Variants in ADAMTSL1 observed in about 807,000 individuals in gnomAD.
The protein encoded by ADAMTSL1 is ADAMTS-like protein 1.
A neutral mutation model predicts 201.8 loss-of-function variants in ADAMTSL1; 126 were observed. The observed-to-expected ratio is 0.62, with a 90% confidence interval of 0.54 to 0.72. ADAMTSL1 has a LOEUF of 0.72. Ranked by LOEUF, ADAMTSL1 falls within the 30% of genes least tolerant of loss-of-function variation. The pLI is 0.00. For synonymous variants in ADAMTSL1, 1,121 were observed against 903.4 expected (o/e 1.24, Z -4.32); for missense variants, 2,679 against 2,277.8 (o/e 1.18, Z -3.59).
chr9:18,790,151 G>A (rs1460723881), intron 19 of ADAMTSL1, among the ~76,000 whole-genome samples: 1 of 152,130 alleles, frequency 6.6e-6, no homozygotes, highest in African/African-American at 2.4e-5. Flanking sequence ...TTTTTACTTG[G>A]AAAACAGTAA....
chr9:18,774,838 T>A (rs369412499), intron 17 of ADAMTSL1, among the ~76,000 whole-genome samples: 26 of 152,310 alleles, frequency 1.7e-4, no homozygotes, highest in African/African-American at 6.3e-4. Context: ...CATACTGCTA[T>A]GAATGTTTGC....
intron 19 of ADAMTSL1, among the ~76,000 whole-genome samples, chr9:18,786,985 A>G (rs1821745450): frequency 6.6e-6 from 1 of 152,220 alleles, no homozygotes; most frequent in South Asian, 2.1e-4. Flanking sequence ...AACTTCTCAG[A>G]ATGGAAGTGA....
At chr9:18,374,547 G>T (rs1837200281) in intron 2 of ADAMTSL1, among the ~76,000 whole-genome samples, 1 of 151,962 alleles carries the variant, frequency 6.6e-6, no homozygotes, top group Non-Finnish European at 1.5e-5. Context: ...TGCCCAGGCT[G>T]GTCTCTTAAC....
intron 14 of ADAMTSL1, among the ~76,000 whole-genome samples, chr9:18,720,725 G>A (rs773036770): frequency 1.3e-5 from 2 of 152,164 alleles, no homozygotes; most frequent in Admixed American, 6.5e-5. Context: ...AGAGGTTGCA[G>A]TGAGCTGAGA....
intron 1 of ADAMTSL1, among the ~76,000 whole-genome samples, chr9:17,945,139 T>C (rs1374921000): frequency 8.0e-6 from 1 of 125,132 alleles, no homozygotes; most frequent in Non-Finnish European, 1.7e-5. Context: ...AACAACCCCA[T>C]CAAAAAGTGG....
intron 2 of ADAMTSL1, among the ~76,000 whole-genome samples, chr9:18,382,419 A>G (rs151250075): frequency 1.0e-3 from 153 of 152,226 alleles, no homozygotes; most frequent in Admixed American, 2.8e-3. Context: ...GGCAGGAGAG[A>G]TAACTCCAAA....
intron 2 of ADAMTSL1, among the ~76,000 whole-genome samples, chr9:18,515,604 G>T (rs1380393401): frequency 6.6e-6 from 1 of 152,110 alleles, no homozygotes; most frequent in East Asian, 1.9e-4. Context: ...CAAAGTGCTG[G>T]GATTACAGGG....
intron 2 of ADAMTSL1, among the ~76,000 whole-genome samples, chr9:18,509,052 C>G (rs1006086398): frequency 1.5e-5 from 2 of 130,540 alleles, no homozygotes; most frequent in Non-Finnish European, 3.2e-5. Flanking sequence ...GGCGCGGTGG[C>G]GGGCGCCTGT....
chr9:18,630,903 G>A (rs956835398), intron 5 of ADAMTSL1, among the ~76,000 whole-genome samples: 1 of 152,038 alleles, frequency 6.6e-6, no homozygotes, highest in Non-Finnish European at 1.5e-5. Context: ...AACCTCCACA[G>A]CCATTTGGTT....
In ADAMTSL1 at chr9:17,925,065, A is replaced by C. The variant is rs1370053972; in HGVS notation, c.87+18143A>C. Among the ~76,000 whole-genome samples, 32 of 84,162 alleles carry C rather than the reference A, an allele frequency of 3.8e-4. 1 individual carries two copies. The highest frequency in any genetic ancestry group is 1.1e-3 in the African/African-American group (29 of 26,058). The allele number at this position is 84,162 out of a possible 152,430, so 55.2% of individuals were successfully genotyped here. A position where few individuals can be genotyped will look rare whatever the true frequency, so the allele number is the denominator to read the frequency against. Reference sequence around the variant, plus strand: ...CGAAGGACATGAACAGACACTTCTCAAAAGAAGACATTTATGCAGCCAAAA... The same window carrying C: ...CGAAGGACATGAACAGACACTTCTCCAAAGAAGACATTTATGCAGCCAAAA... On this transcript the variant is annotated intron_variant, in intron 1 of 29. Transcript: ENST00000680146.
chr9:18,357,973 G>C (rs1836329956), intron 2 of ADAMTSL1, among the ~76,000 whole-genome samples: 1 of 152,146 alleles, frequency 6.6e-6, no homozygotes, highest in African/African-American at 2.4e-5. Flanking sequence ...TCAGTCTAAA[G>C]CTCCTTCTCA....
chr9:18,464,974 A>C (rs954183), intron 2 of ADAMTSL1, among the ~76,000 whole-genome samples: 1,890 of 152,344 alleles, frequency 0.012, 40 homozygotes, highest in African/African-American at 0.044. Context: ...TTATCAAAAA[A>C]ATAAAACATA....
intron 2 of ADAMTSL1, among the ~76,000 whole-genome samples, chr9:18,238,316 C>T (rs7038985): frequency 0.48 from 73,400 of 151,746 alleles, 18,287 homozygotes; most frequent in East Asian, 0.7. Flanking sequence ...TGACTCCATC[C>T]ATTGTTTGCA....
intron 1 of ADAMTSL1, among the ~76,000 whole-genome samples, chr9:18,066,014 A>AAG (rs1822683090): frequency 3.7e-5 from 5 of 135,058 alleles, no homozygotes; most frequent in Non-Finnish European, 8.0e-5. Flanking sequence ...AAAAAAAAAA[A>AAG]GAATGGCACC....
Position 18,272,810 on chromosome 9 carries a change from G to A in ADAMTSL1, c.207+108829G>A, listed in dbSNP as rs755993781. Among the ~76,000 whole-genome samples, 16 of 151,986 alleles carry A rather than the reference G, an allele frequency of 1.1e-4. 1 individual carries two copies. Among genetic ancestry groups the A allele is most frequent in the South Asian group, 6.2e-4 (3 of 4,816 alleles). ...TTTCCACTCAATTTCCATCTCCTCC[G>A]TGAAGCCTTTCCTTAGTACTAAAGA... On this transcript the variant is annotated intron_variant, in intron 2 of 29. Coordinates refer to the ADAMTSL1 transcript ENST00000680146.
chr9:18,908,665 C>G lies in ADAMTSL1; in HGVS notation c.*117C>G. The G allele has an allele frequency of 1.3e-6, 1 of 794,330 alleles. No homozygotes were observed. Among genetic ancestry groups the G allele is most frequent in the Non-Finnish European group, 2.0e-6 (1 of 504,506 alleles). The allele number at this position is 794,330 out of a possible 1,614,324, so 49.2% of individuals were successfully genotyped here. Reference sequence around the variant, plus strand: ...TTTATTTCCCCCTCCCCACTCCACACACACCCTTCCAACCTCCTCCACCTC... The same window carrying G: ...TTTATTTCCCCCTCCCCACTCCACAGACACCCTTCCAACCTCCTCCACCTC... On this transcript the variant is annotated 3_prime_UTR_variant, in exon 29 of 29. Coordinates refer to ENST00000380548, the MANE Select transcript of ADAMTSL1 (RefSeq NM_001040272.6).
chr9:18,585,990 A>T (rs1372055166), intron 4 of ADAMTSL1, among the ~76,000 whole-genome samples: 1 of 152,226 alleles, frequency 6.6e-6, no homozygotes, highest in East Asian at 1.9e-4. Flanking sequence ...ATTATACTGA[A>T]TGAGCAAAAG....
At position 18,777,770 on chromosome 9, in the gene ADAMTSL1, G is replaced by A; in HGVS notation, c.3541G>A (p.Val1181Met). ...SAAQQLSASE[V>M]VTHLGQTVAL... The stretch of plus-strand genomic sequence containing the variant: ...GGCCCAGCAGCTCTCAGCCTCGGAG[G>A]TGGTCACCCACCTGGGGCAGACGGT... The change falls in exon 19 of 29, where the codon GTG becomes ATG. Residue 1181 changes from valine (V) to methionine (M), a missense_variant. Coordinates refer to ENST00000380548, the MANE Select transcript of ADAMTSL1 (RefSeq NM_001040272.6). The A allele has an allele frequency of 6.2e-7, 1 of 1,613,768 alleles. No homozygotes were observed. Among genetic ancestry groups the A allele is most frequent in the South Asian group, 1.1e-5 (1 of 91,054 alleles).
chr9:18,721,150 A>C (rs1411486486), intron 14 of ADAMTSL1, among the ~76,000 whole-genome samples: 1 of 152,184 alleles, frequency 6.6e-6, no homozygotes, highest in Admixed American at 6.5e-5. Context: ...TTTCAATTAA[A>C]ATATAAGATG....
Sources: gnomAD v4.1 joint callset for allele counts (sites outside exome capture counted in the v4.1 genomes callset) on GRCh38, gnomAD v4.1.1 for gene constraint, MANE v1.5 for transcripts, NCBI Gene and HGNC (gene_info 2026-07-23, HGNC 2026-07-21) for gene names.